The following PTPRD variants were observed in gnomAD, a reference collection of about 807,000 sequenced individuals.
PTPRD encodes the protein receptor-type tyrosine-protein phosphatase delta.
In PTPRD, 34 loss-of-function variants were observed where a neutral mutation model predicts 214.5. The ratio of observed to expected loss-of-function variants is 0.16; its 90% CI spans 0.12 to 0.21. PTPRD has a LOEUF of 0.21. Ranked by LOEUF, PTPRD falls within the 10% of genes least tolerant of loss-of-function variation. The pLI, the probability that PTPRD is intolerant of heterozygous loss-of-function variation, is 1.00. For synonymous variants in PTPRD, 1,128 were observed against 845.7 expected (o/e 1.33, Z -5.79); for missense variants, 2,545 against 2,398.7 (o/e 1.06, Z -1.27).
At chr9:9,674,550 A>G (rs1242760370) in intron 7 of PTPRD, among the ~76,000 whole-genome samples, 2 of 151,860 alleles carry the variant, frequency 1.3e-5, no homozygotes, top group Non-Finnish European at 3.0e-5. Context: ...AAAATTAAAT[A>G]TGCTATGTAA....
chr9:9,979,315 T>G (rs2095464786), intron 4 of PTPRD, among the ~76,000 whole-genome samples: 1 of 152,070 alleles, frequency 6.6e-6, no homozygotes, highest in Non-Finnish European at 1.5e-5. Context: ...GTATTTTGCT[T>G]TTCCAGATGA....
At chr9:9,314,894 CTTT>C (rs1961711076) in intron 9 of PTPRD, among the ~76,000 whole-genome samples, 3 of 151,918 alleles carry the variant, frequency 2.0e-5, no homozygotes, top group African/African-American at 7.2e-5. Context: ...TCATTGTCTT[CTTT>C]GTTTCTCCAG....
intron 2 of PTPRD, among the ~76,000 whole-genome samples, chr9:10,390,313 A>C (rs2098031917): frequency 1.3e-5 from 2 of 151,810 alleles, no homozygotes; most frequent in African/African-American, 4.8e-5. Flanking sequence ...ATTTCATTAT[A>C]ATCAATACAC....
At chr9:10,095,455 A>G (rs1447202829) in intron 3 of PTPRD, among the ~76,000 whole-genome samples, 1 of 151,638 alleles carries the variant, frequency 6.6e-6, no homozygotes, top group African/African-American at 2.4e-5. Flanking sequence ...ATTACAGAAA[A>G]TAGATCAGCC....
intron 5 of PTPRD, among the ~76,000 whole-genome samples, chr9:9,917,149 AG>A (rs1216473673): frequency 6.6e-6 from 1 of 151,380 alleles, no homozygotes; most frequent in Non-Finnish European, 1.5e-5. Flanking sequence ...ATGAATGTCT[AG>A]AAAAGAACAA....
intron 11 of PTPRD, among the ~76,000 whole-genome samples, chr9:8,920,680 C>T (rs1471987111): frequency 6.6e-6 from 1 of 152,186 alleles, no homozygotes; most frequent in Non-Finnish European, 1.5e-5. Context: ...CAATGGGCTG[C>T]GGCCCATGGG....
chr9:10,434,279 A>G (rs2098702696), intron 2 of PTPRD, among the ~76,000 whole-genome samples: 1 of 151,916 alleles, frequency 6.6e-6, no homozygotes, highest in African/African-American at 2.4e-5. Context: ...TTTCATAATG[A>G]AAAGGTACCT....
intron 9 of PTPRD, among the ~76,000 whole-genome samples, chr9:9,226,387 C>G (rs556439844): frequency 1.3e-5 from 2 of 151,960 alleles, no homozygotes; most frequent in Non-Finnish European, 2.9e-5. Context: ...ATCTTAATCC[C>G]TATCTATCTC....
chr9:9,885,159 T>C (rs1425007642), intron 5 of PTPRD, among the ~76,000 whole-genome samples: 1 of 151,958 alleles, frequency 6.6e-6, no homozygotes, highest in Admixed American at 6.6e-5. Flanking sequence ...TACTGCATGG[T>C]TTCCTCTAGC....
intron 7 of PTPRD, among the ~76,000 whole-genome samples, chr9:9,683,300 G>A (rs886929970): frequency 2.0e-5 from 3 of 151,686 alleles, no homozygotes; most frequent in Non-Finnish European, 2.9e-5. Context: ...GCACTCAGGG[G>A]TAAATTGATT....
At chr9:10,247,954 G>A (rs1362368453) in intron 3 of PTPRD, among the ~76,000 whole-genome samples, 3 of 152,042 alleles carry the variant, frequency 2.0e-5, no homozygotes, top group African/African-American at 7.2e-5. Context: ...ATGGGGGCAG[G>A]TTTTTCCCAT....
At chr9:8,546,052 A>G (rs965662546) in intron 14 of PTPRD, among the ~76,000 whole-genome samples, 2 of 152,210 alleles carry the variant, frequency 1.3e-5, no homozygotes, top group South Asian at 4.1e-4. Context: ...ATCAGTGGTA[A>G]CATCTGAGAT....
Position 10,384,710 on chromosome 9 carries a change from C to T in PTPRD, c.-599-43693G>A, listed in dbSNP as rs10959085. ...AAAGTTAGATTTAAAAGCAGAAACC[C>T]TGTAAGCATACATGATGCAAATTTA... On this transcript the variant is annotated intron_variant, in intron 2 of 45. Transcript: ENST00000381196. Among the ~76,000 whole-genome samples the T allele has an allele frequency of 1.3e-3, 201 of 150,870 alleles. 2 individuals carry two copies. Among genetic ancestry groups the T allele is most frequent in the African/African-American group, 4.6e-3 (188 of 41,218 alleles).
chr9:8,497,334 C>T, intron 25 of PTPRD, 66 bp from the exon 26 acceptor site: 2 of 1,366,674 alleles, frequency 1.5e-6, no homozygotes, highest in Non-Finnish European at 2.0e-6. Flanking sequence ...AAGCCTTATA[C>T]AGGCAGTGTT....
At chr9:8,496,788 A>T (rs531238186) in intron 26 of PTPRD, among the ~76,000 whole-genome samples, 1 of 152,352 alleles carries the variant, frequency 6.6e-6, no homozygotes, top group Admixed American at 6.5e-5. Context: ...GGCTTATCCA[A>T]CATGCAGCCC....
intron 9 of PTPRD, among the ~76,000 whole-genome samples, chr9:9,230,324 G>T (rs1226862065): frequency 6.6e-6 from 1 of 152,088 alleles, no homozygotes; most frequent in African/African-American, 2.4e-5. Context: ...GAGCTTCCAG[G>T]CTGGTGAACA....
At chr9:9,670,678 T>G (rs2096812410) in intron 7 of PTPRD, among the ~76,000 whole-genome samples, 1 of 152,304 alleles carries the variant, frequency 6.6e-6, no homozygotes, top group Middle Eastern at 3.4e-3. Flanking sequence ...CTGCCATGGC[T>G]GAAAGTGGCC....
intron 9 of PTPRD, among the ~76,000 whole-genome samples, chr9:9,352,330 T>C (rs1358359135): frequency 1.3e-5 from 1 of 79,074 alleles, no homozygotes; most frequent in Non-Finnish European, 3.0e-5. Flanking sequence ...TATATATATG[T>C]GTGTGTGTGT....
intron 10 of PTPRD, among the ~76,000 whole-genome samples, chr9:9,141,317 G>A (rs773904254): frequency 1.3e-5 from 2 of 150,776 alleles, no homozygotes; most frequent in African/African-American, 4.9e-5. Flanking sequence ...CATGGAACAC[G>A]GCACCTGGAT....
Sources: gnomAD v4.1 joint callset for allele counts (sites outside exome capture counted in the v4.1 genomes callset) on GRCh38, gnomAD v4.1.1 for gene constraint, MANE v1.5 for transcripts, NCBI Gene and HGNC (gene_info 2026-07-23, HGNC 2026-07-21) for gene names.